Variants in PPP2R2B observed in about 807,000 individuals in gnomAD.
The protein encoded by PPP2R2B is protein phosphatase 2 regulatory subunit Bbeta, also known as serine/threonine-protein phosphatase 2A 55 kDa regulatory subunit B beta isoform.
A neutral mutation model predicts 46.0 loss-of-function variants in PPP2R2B; 5 were observed. That is an observed-to-expected ratio of 0.11 (90% confidence interval 0.06 to 0.23). PPP2R2B has a LOEUF of 0.23. Ranked by LOEUF, PPP2R2B falls within the 10% of genes least tolerant of loss-of-function variation. The pLI is 1.00. For synonymous variants in PPP2R2B, 215 were observed against 206.7 expected, an observed-to-expected ratio of 1.04 and a Z score of -0.34; for missense variants, 367 against 575.0, an observed-to-expected ratio of 0.64 and a Z score of 3.70.
chr5:146,590,352 G>A, intron 9 of PPP2R2B, 126 bp from the exon 10 acceptor site: 1 of 805,452 alleles, frequency 1.2e-6, no homozygotes. Context: ...CAAAAAATGA[G>A]AACAGGCTCT....
intron 2 of PPP2R2B, among the ~76,000 whole-genome samples, chr5:146,761,868 TA>T (rs377054519): frequency 1.3e-5 from 2 of 151,824 alleles, no homozygotes; most frequent in Non-Finnish European, 1.5e-5. Context: ...TGATGAGGGA[TA>T]AAAAAAGATG....
chr5:146,989,394 T>C (rs1427327024), intron 1 of PPP2R2B, among the ~76,000 whole-genome samples: 1 of 152,098 alleles, frequency 6.6e-6, no homozygotes, highest in Non-Finnish European at 1.5e-5. Context: ...AGAAAGATCA[T>C]TTATTATGAT....
At chr5:146,671,304 GA>G (rs778359050) in intron 5 of PPP2R2B, among the ~76,000 whole-genome samples, 84 of 152,268 alleles carry the variant, frequency 5.5e-4, no homozygotes, top group Non-Finnish European at 1.1e-3. Flanking sequence ...CTTGAGAATA[GA>G]AAAACACGTC....
At chr5:146,749,887 T>C (rs1421965099) in intron 2 of PPP2R2B, among the ~76,000 whole-genome samples, 2 of 152,222 alleles carry the variant, frequency 1.3e-5, no homozygotes, top group African/African-American at 4.8e-5. Flanking sequence ...CGTGAGCCAC[T>C]GCGCCTGGCC....
chr5:146,757,538 G>A (rs974785114), intron 2 of PPP2R2B, among the ~76,000 whole-genome samples: 1 of 152,132 alleles, frequency 6.6e-6, no homozygotes, highest in Non-Finnish European at 1.5e-5. Context: ...TGACTTTGAA[G>A]AGGACATTGT....
At chr5:146,673,370 G>A (rs183271255) in intron 5 of PPP2R2B, among the ~76,000 whole-genome samples, 3 of 152,298 alleles carry the variant, frequency 2.0e-5, no homozygotes, top group Non-Finnish European at 2.9e-5. Context: ...TAATGAACTT[G>A]TGCTGGAAGA....
chr5:146,877,030 G>T (rs748210705), intron 2 of PPP2R2B, among the ~76,000 whole-genome samples: 2 of 152,190 alleles, frequency 1.3e-5, no homozygotes, highest in Non-Finnish European at 2.9e-5. Context: ...ACATTTTCTC[G>T]CATGGATATT....
chr5:146,706,299 A>G, intron 2 of PPP2R2B: 1 of 532,562 alleles, frequency 1.9e-6, no homozygotes, highest in Non-Finnish European at 3.5e-6. Context: ...GTGCGGCTGA[A>G]GGAGCTGGAA....
chr5:147,035,014 AT>A (rs1755967986), intron 1 of PPP2R2B, among the ~76,000 whole-genome samples: 1 of 152,156 alleles, frequency 6.6e-6, no homozygotes, highest in African/African-American at 2.4e-5. Context: ...ACTTCATATC[AT>A]GACAGCCAGA....
At chr5:146,606,699 G>A (rs969940823) in intron 7 of PPP2R2B, among the ~76,000 whole-genome samples, 1 of 152,120 alleles carries the variant, frequency 6.6e-6, no homozygotes. Context: ...ACCAGTTGTG[G>A]TACTGATTTC....
intron 5 of PPP2R2B, among the ~76,000 whole-genome samples, chr5:146,667,332 G>GCA (rs144297178): frequency 0.021 from 669 of 32,020 alleles, 7 homozygotes; most frequent in African/African-American, 0.056. Flanking sequence ...GCGTGCGCGC[G>GCA]CACACACACA....
At chr5:146,905,839 G>A (rs1310184577) in intron 1 of PPP2R2B, among the ~76,000 whole-genome samples, 1 of 152,190 alleles carries the variant, frequency 6.6e-6, no homozygotes, top group Admixed American at 6.5e-5. Context: ...CCCAGTGGTG[G>A]TAGGTTGGGA....
rs769366500 is a variant in PPP2R2B at position 146,712,125 on chromosome 5, A to T, written c.71-10983T>A. Among the ~76,000 whole-genome samples the T allele has an allele frequency of 1.1e-3, 171 of 152,336 alleles. 1 individual carries two copies. The highest frequency in any genetic ancestry group is 1.5e-3 in the Non-Finnish European group (100 of 68,038). On this transcript the variant is annotated intron_variant, in intron 2 of 9. Transcript: ENST00000394411. Reference sequence around the variant, plus strand: ...TGTCAAACAAAATAAATATGTTGCTAATAGTTCACAAGGTATTATTATGTT... The same window carrying T: ...TGTCAAACAAAATAAATATGTTGCTTATAGTTCACAAGGTATTATTATGTT...
chr5:146,622,849 T>G (rs568487184), intron 7 of PPP2R2B, among the ~76,000 whole-genome samples: 3 of 152,348 alleles, frequency 2.0e-5, no homozygotes, highest in South Asian at 4.1e-4. Context: ...TATAACTCAG[T>G]ATACCATTTT....
In PPP2R2B at chr5:146,773,440, G is replaced by A. The variant is rs552297087; in HGVS notation, c.71-72298C>T. ...CTGTGGTTTATTATGATCTAGATTT[G>A]AATTAAAGCAGTGGAAATGGCCTCA... On this transcript the variant is annotated intron_variant, in intron 2 of 9. Coordinates refer to ENST00000394411, the MANE Select transcript of PPP2R2B (RefSeq NM_181675.4). Among the ~76,000 whole-genome samples, 259 of 152,298 alleles carry A rather than the reference G, an allele frequency of 1.7e-3. 1 individual carries two copies. Among genetic ancestry groups the A allele is most frequent in the African/African-American group, 6.0e-3 (251 of 41,548 alleles).
chr5:146,977,780 G>A (rs1028516408), intron 1 of PPP2R2B, among the ~76,000 whole-genome samples: 4 of 152,116 alleles, frequency 2.6e-5, no homozygotes, highest in African/African-American at 9.7e-5. Context: ...TACTGTTGAT[G>A]GGCATTTGGA....
intron 1 of PPP2R2B, among the ~76,000 whole-genome samples, chr5:146,896,332 G>A (rs1762643848): frequency 6.6e-6 from 1 of 152,046 alleles, no homozygotes; most frequent in South Asian, 2.1e-4. Flanking sequence ...CTATCATTGA[G>A]GCAACTGAGA....
At chr5:146,749,278 A>G (rs1182936816) in intron 2 of PPP2R2B, among the ~76,000 whole-genome samples, 6 of 151,982 alleles carry the variant, frequency 3.9e-5, no homozygotes, top group Admixed American at 1.3e-4. Context: ...AGTTCTTTAT[A>G]TATTTTGGTA....
intron 5 of PPP2R2B, 84 bp from the exon 6 acceptor site, chr5:146,650,808 A>T: frequency 7.7e-7 from 1 of 1,295,236 alleles, no homozygotes; most frequent in South Asian, 1.5e-5. Flanking sequence ...ATTTATTATC[A>T]CACACAAAAT....
Sources: gnomAD v4.1 joint callset for allele counts (sites outside exome capture counted in the v4.1 genomes callset) on GRCh38, gnomAD v4.1.1 for gene constraint, MANE v1.5 for transcripts, NCBI Gene and HGNC (gene_info 2026-07-23, HGNC 2026-07-21) for gene names.